FOCAD: variants seen among roughly 807,000 people sequenced by gnomAD.
FOCAD encodes the protein focadhesin.
In FOCAD, 198 loss-of-function variants were observed where a neutral mutation model predicts 225.6. That is an observed-to-expected ratio of 0.88 (90% CI 0.78 to 0.99). The LOEUF (loss-of-function observed/expected upper bound fraction) is 0.99, where lower values mean the gene tolerates loss of function less well. FOCAD is among the 50% of genes least tolerant of loss of function. FOCAD has a pLI of 0.00. For missense variants in FOCAD, 2,713 were observed against 2,123.6 expected (o/e 1.28, Z -5.46); for synonymous variants, 897 against 755.0 (o/e 1.19, Z -3.08).
intron 11 of FOCAD, among the ~76,000 whole-genome samples, chr9:20,792,317 A>T (rs1243605552): frequency 6.6e-6 from 1 of 152,238 alleles, no homozygotes; most frequent in South Asian, 2.1e-4. Flanking sequence ...AAGTGTAAAT[A>T]GTTTAATATC....
At chr9:20,883,729 A>G (rs1399333459) in intron 20 of FOCAD, among the ~76,000 whole-genome samples, 2 of 152,212 alleles carry the variant, frequency 1.3e-5, no homozygotes, top group Non-Finnish European at 2.9e-5. Flanking sequence ...CCATATAACA[A>G]CCTGTAGGTT....
intron 4 of FOCAD, among the ~76,000 whole-genome samples, chr9:20,736,301 A>G (rs565403949): frequency 6.6e-6 from 1 of 152,240 alleles, no homozygotes; most frequent in African/African-American, 2.4e-5. Context: ...AGCTTTTTCA[A>G]TTTGAAGATG....
At chr9:20,983,080 T>TC (rs2132641013) in intron 39 of FOCAD, among the ~76,000 whole-genome samples, 1 of 152,330 alleles carries the variant, frequency 6.6e-6, no homozygotes, top group African/African-American at 2.4e-5. Flanking sequence ...AATTTCTGCA[T>TC]CATATGGCAG....
chr9:20,914,151 T>C (rs1833680908), intron 23 of FOCAD, among the ~76,000 whole-genome samples: 1 of 152,000 alleles, frequency 6.6e-6, no homozygotes, highest in African/African-American at 2.4e-5. Context: ...ATAAGCTACC[T>C]TGAAGTGAGC....
chr9:20,853,399 C>G (rs1011756337), intron 15 of FOCAD, among the ~76,000 whole-genome samples: 2 of 151,764 alleles, frequency 1.3e-5, no homozygotes, highest in Non-Finnish European at 3.0e-5. Context: ...TCACACAATT[C>G]TAAACCTGTT....
chr9:20,868,097 A>G (rs1829444923), intron 18 of FOCAD, among the ~76,000 whole-genome samples: 1 of 152,110 alleles, frequency 6.6e-6, no homozygotes, highest in Non-Finnish European at 1.5e-5. Context: ...ATGTGTTATG[A>G]CTCATACAAT....
At chr9:20,991,512 C>A (rs1402617994) in intron 42 of FOCAD, among the ~76,000 whole-genome samples, 2 of 151,998 alleles carry the variant, frequency 1.3e-5, no homozygotes, top group African/African-American at 4.8e-5. Flanking sequence ...GCTTTGTGTC[C>A]CATTTAAAAT....
upstream of FOCAD, among the ~76,000 whole-genome samples, chr9:20,655,765 T>C (rs965162940): frequency 3.7e-4 from 56 of 152,320 alleles, no homozygotes; most frequent in African/African-American, 1.3e-3. Context: ...GTTTTTTGTG[T>C]CTCTATTTCC....
At chr9:20,673,028 A>C (rs1320865672) in intron 2 of FOCAD, among the ~76,000 whole-genome samples, 1 of 152,230 alleles carries the variant, frequency 6.6e-6, no homozygotes, top group Non-Finnish European at 1.5e-5. Context: ...AAAGATACTC[A>C]GATTTTATTC....
Position 20,720,509 on chromosome 9 carries a change from A to G in FOCAD, c.262A>G (p.Ile88Val). The change falls in exon 4 of 44, where the codon ATA becomes GTA. Residue 88 changes from isoleucine to valine, a missense_variant. Coordinates refer to ENST00000338382, the MANE Select transcript of FOCAD (RefSeq NM_001375567.1). ...HAEFSYVLNG[I>V]LNLIPSTRNT... ...AGAGTTCAGCTATGTTCTCAATGGG[A>G]TACTCAACTTGATTCCATCAACCAG... 2 of 1,613,976 alleles carry G rather than the reference A, an allele frequency of 1.2e-6. No individual in the cohort carries two copies. Among genetic ancestry groups the G allele is most frequent in the Non-Finnish European group, 1.7e-6 (2 of 1,179,946 alleles).
intron 11 of FOCAD, among the ~76,000 whole-genome samples, chr9:20,795,879 A>C (rs1395835366): frequency 6.6e-6 from 1 of 151,508 alleles, no homozygotes; most frequent in African/African-American, 2.4e-5. Flanking sequence ...CATGTGCACA[A>C]CGTATACAGG....
intron 10 of FOCAD, 130 bp from the exon 11 acceptor site, chr9:20,789,221 G>A: frequency 9.8e-7 from 1 of 1,023,122 alleles, no homozygotes; most frequent in Non-Finnish European, 1.4e-6. Flanking sequence ...GATTTTGGCA[G>A]TAATTCAATT....
At chr9:20,691,566 GCA>G (rs1822981353) in intron 1 of FOCAD, among the ~76,000 whole-genome samples, 3 of 147,594 alleles carry the variant, frequency 2.0e-5, no homozygotes, top group African/African-American at 2.5e-5. Context: ...ACTGCAAGCC[GCA>G]CCTCCCGGGT....
Position 20,948,396 on chromosome 9 carries a change from A to G in FOCAD, c.3798+3A>G, listed in dbSNP as rs776400287. The G allele has an allele frequency of 2.5e-6, 4 of 1,609,918 alleles. No individual in the cohort carries two copies. Among genetic ancestry groups the G allele is most frequent in the South Asian group, 1.1e-5 (1 of 90,256 alleles). On this transcript the variant is annotated splice_donor_region_variant and intron_variant, in intron 31 of 43. Coordinates refer to ENST00000338382, the MANE Select transcript of FOCAD (RefSeq NM_001375567.1). ...GGATCAGAATTGTTCTAACAGAGGT[A>G]GAGGTCACCTGTTGTATGCTATTTC...
chr9:20,743,242 G>A (rs1014674144), intron 5 of FOCAD, among the ~76,000 whole-genome samples: 3 of 152,178 alleles, frequency 2.0e-5, no homozygotes, highest in Non-Finnish European at 2.9e-5. Context: ...CCACTGAGAG[G>A]TGTTTTCTGG....
chr9:20,672,452 T>C (rs34871703), intron 2 of FOCAD, among the ~76,000 whole-genome samples: 1 of 152,150 alleles, frequency 6.6e-6, no homozygotes, highest in Non-Finnish European at 1.5e-5. Context: ...TAAATTATTA[T>C]TATTATTATT....
intron 14 of FOCAD, among the ~76,000 whole-genome samples, chr9:20,822,023 A>AG (rs1824381730): frequency 1.5e-5 from 2 of 132,874 alleles, no homozygotes; most frequent in South Asian, 4.8e-4. Flanking sequence ...AAAAAAAAAA[A>AG]GGAGTTACAT....
intron 35 of FOCAD, among the ~76,000 whole-genome samples, chr9:20,959,978 C>T (rs946528187): frequency 2.6e-5 from 4 of 152,064 alleles, no homozygotes; most frequent in Non-Finnish European, 4.4e-5. Flanking sequence ...AAATTGTCTT[C>T]CTTTTTTAAT....
chr9:20,796,444 G>A (rs1236846599), intron 11 of FOCAD, among the ~76,000 whole-genome samples: 1 of 152,162 alleles, frequency 6.6e-6, no homozygotes, highest in Non-Finnish European at 1.5e-5. Flanking sequence ...GTGTAAAAGT[G>A]TTCCTGTTTC....
Sources: gnomAD v4.1 joint callset for allele counts (sites outside exome capture counted in the v4.1 genomes callset) on GRCh38, gnomAD v4.1.1 for gene constraint, MANE v1.5 for transcripts, NCBI Gene and HGNC (gene_info 2026-07-23, HGNC 2026-07-21) for gene names.